The following EXD3 variants were observed in gnomAD, a reference collection of about 807,000 sequenced individuals.
EXD3 encodes exonuclease mut-7 homolog.
EXD3 carries 92 observed loss-of-function variants against 98.0 expected under a neutral mutation model. That is an observed-to-expected ratio of 0.94 (90% CI 0.79 to 1.12). The LOEUF is 1.12. Among genes scored for constraint, EXD3 ranks in the 50% most tolerant of loss-of-function variants. The probability of loss-of-function intolerance (pLI) is 0.00; values close to 1 mark genes in which losing one functional copy is unlikely to be tolerated. For missense variants in EXD3, 1,222 were observed against 1,191.6 expected (o/e 1.03, Z -0.38); for synonymous variants, 569 against 526.0 (o/e 1.08, Z -1.12).
chr9:137,355,450 T>A (rs200927383), intron 8 of EXD3, among the ~76,000 whole-genome samples: 1,280 of 9,248 alleles, frequency 0.14, 49 homozygotes, highest in African/African-American at 0.3. Context: ...GAAGGGAGGA[T>A]GGAGGAAGGA....
chr9:137,306,905 G>T lies in EXD3; in HGVS notation c.*45C>A. 1 of 1,515,178 alleles carries T rather than the reference G, an allele frequency of 6.6e-7. No homozygotes were observed. 93.9% of individuals were successfully genotyped at this position (1,515,178 alleles called of 1,614,324 possible). ...AACATGTGAGCCAGTCCACGGCCAT[G>T]GGCCCAGCAGTCGGGCACTTTCCAT... On this transcript the variant is annotated 3_prime_UTR_variant, in exon 22 of 22. Coordinates refer to ENST00000340951, the MANE Select transcript of EXD3 (RefSeq NM_017820.5).
In EXD3 at chr9:137,351,028, G is replaced by A; in HGVS notation, c.1494+10C>T. 6.4e-7 allele frequency: 1 copy of A among 1,551,682 alleles called. No individual in the cohort carries two copies. Among genetic ancestry groups the A allele is most frequent in the South Asian group, 1.2e-5 (1 of 84,146 alleles). ...CCCGGCATCTTGTGAGCGGCTCAGT[G>A]GGTGCCCACCTGTCTGTGCACCAGC... On this transcript the variant is annotated intron_variant, in intron 14 of 21. Transcript: ENST00000340951.
At chr9:137,382,634 C>T (rs1836374281) in intron 3 of EXD3, among the ~76,000 whole-genome samples, 1 of 151,986 alleles carries the variant, frequency 6.6e-6, no homozygotes, top group African/African-American at 2.4e-5. Context: ...GCAGGCAGCG[C>T]CAGGGCTGGG....
At chr9:137,404,960 C>T (rs1248235130) in intron 1 of EXD3, among the ~76,000 whole-genome samples, 4 of 152,178 alleles carry the variant, frequency 2.6e-5, no homozygotes, top group Non-Finnish European at 4.4e-5. Context: ...CCTACCTATC[C>T]CCTCAGAGCT....
chr9:137,311,783 G>T (rs1463281110), intron 19 of EXD3, among the ~76,000 whole-genome samples: 1 of 152,202 alleles, frequency 6.6e-6, no homozygotes, highest in Non-Finnish European at 1.5e-5. Flanking sequence ...GGCAGCGAGG[G>T]CCTCCCTGTC....
rs372018731 is a variant in EXD3, at chr9:137,349,191, C to G, written c.1749G>C (p.Arg583=). ...CTGGTCTCTCTCTGTGCCTGGGCCT[C>G]CGGCTCCCAGCCAGGTCCTCCGACA... ...FHLSEDLAGS[R]RPRHRERPGA... is the part of the protein sequence containing the mutation. The change falls in exon 16 of 22, where the codon CGG becomes CGC. Residue 583 remains arginine, a synonymous_variant. Coordinates refer to ENST00000340951, the MANE Select transcript of EXD3 (RefSeq NM_017820.5). This position sits in a 1 kb window ranked among gnomAD's most constrained non-coding sequence, Gnocchi z 7.4. 3.9e-5 allele frequency: 62 copies of G among 1,588,062 alleles called. No individual in the cohort carries two copies. The African/African-American group carries it at 8.3e-4, about 21-fold the overall frequency.
rs374664490 is a variant in EXD3, at chr9:137,395,318, C to T, written c.40G>A (p.Glu14Lys). Residue 14 changes from glutamate to lysine, a missense_variant, in exon 2 of 22, where the codon GAG (glutamate) becomes AAG (lysine). Transcript: ENST00000340951. This position sits in a 1 kb window ranked among gnomAD's most constrained non-coding sequence, Gnocchi z 6.5. ...GDPAGDPAAG[E>K]RHRMGRDPLL... Reference sequence around the variant, plus strand: ...TCAGACTCACCCATGCGGTGGCGCTCGCCAGCGGCAGGGTCACCAGCGGGA... The same window carrying T: ...TCAGACTCACCCATGCGGTGGCGCTTGCCAGCGGCAGGGTCACCAGCGGGA... 86 of 1,613,426 alleles carry T rather than the reference C, an allele frequency of 5.3e-5. No individual in the cohort carries two copies. In the East Asian group the frequency reaches 1.6e-3, roughly 30 times the overall value.
intron 11 of EXD3, 117 bp from the exon 12 acceptor site, chr9:137,352,318 C>A (rs1003546676): frequency 2.1e-6 from 3 of 1,401,712 alleles, no homozygotes; most frequent in Non-Finnish European, 2.9e-6. Flanking sequence ...GGTCCTGGCT[C>A]CTCCTCCCAC....
intron 2 of EXD3, among the ~76,000 whole-genome samples, chr9:137,384,772 T>C (rs532227928): frequency 7.9e-5 from 12 of 152,288 alleles, no homozygotes; most frequent in African/African-American, 1.2e-4. Context: ...GCATCAGCAA[T>C]GTCAGATTCC....
chr9:137,370,175 G>C (rs1835518062), intron 5 of EXD3, among the ~76,000 whole-genome samples: 1 of 152,188 alleles, frequency 6.6e-6, no homozygotes, highest in Non-Finnish European at 1.5e-5. Flanking sequence ...TCCCTGGCCT[G>C]ACCCCTGTCT....
Position 137,347,451 on chromosome 9 carries a change from CT to C in EXD3, c.1998+619del, listed in dbSNP as rs367998221. Among the ~76,000 whole-genome samples the C allele has an allele frequency of 2.7e-5, 4 of 148,244 alleles. No individual in the cohort carries two copies. Among genetic ancestry groups the C allele is most frequent in the African/African-American group, 5.0e-5 (2 of 40,402 alleles). On this transcript the variant is annotated intron_variant, in intron 17 of 21. Coordinates refer to ENST00000340951, the MANE Select transcript of EXD3 (RefSeq NM_017820.5). The surrounding 1 kb of genome is among the most constrained non-coding windows in gnomAD (Gnocchi z 4.2). ...TCTGTGTTCCATTCCTGCTTTTTTT[CT>C]TTTTTTTTTAAGATGGAGTCTTGCT...
chr9:137,351,291 G>C (rs776089638), intron 13 of EXD3, 27 bp downstream of exon 13: 6 of 1,596,786 alleles, frequency 3.8e-6, no homozygotes, highest in African/African-American at 1.3e-5. Flanking sequence ...TTCTGGACTG[G>C]GCAGGGGGCC....
Position 137,385,009 on chromosome 9 carries a change from A to G in EXD3, c.56-1632T>C, listed in dbSNP as rs1290156293. Among the ~76,000 whole-genome samples the G allele has an allele frequency of 2.0e-5, 3 of 152,058 alleles. No homozygotes were observed. Among genetic ancestry groups the G allele is most frequent in the Non-Finnish European group, 4.4e-5 (3 of 68,008 alleles). On this transcript the variant is annotated intron_variant, in intron 2 of 21. Coordinates refer to ENST00000340951, the MANE Select transcript of EXD3 (RefSeq NM_017820.5). This position sits in a 1 kb window ranked among gnomAD's most constrained non-coding sequence, Gnocchi z 4.4. Reference sequence around the variant, plus strand: ...CGGGAGGCTGAGGCAGGAGAACAGCATGAACCCGGGAGGCGGAGGTCGCAG... The same window carrying G: ...CGGGAGGCTGAGGCAGGAGAACAGCGTGAACCCGGGAGGCGGAGGTCGCAG...
chr9:137,413,852 CTG>C (rs1838112340), intron 1 of EXD3, among the ~76,000 whole-genome samples: 1 of 151,862 alleles, frequency 6.6e-6, no homozygotes, highest in African/African-American at 2.4e-5. Context: ...TTTTGTGTCT[CTG>C]TGAATCTTTC....
At position 137,355,525 on chromosome 9, in the gene EXD3, G is replaced by A. The variant is rs868741452; in HGVS notation, c.757+743C>T. On this transcript the variant is annotated intron_variant, in intron 8 of 21. Transcript: ENST00000340951. ...GGAGGAAGGAGGAAGGAGGAAGGAGGATGGAGGAAGGAGGAAGGAGGAAGG... is the reference window on the plus strand; with the variant it reads ...GGAGGAAGGAGGAAGGAGGAAGGAGAATGGAGGAAGGAGGAAGGAGGAAGG... 1.3e-3 allele frequency among the ~76,000 whole-genome samples: 81 copies of A among 63,516 alleles called. 1 individual carries two copies. Among genetic ancestry groups the A allele is most frequent in the Non-Finnish European group, 1.7e-3 (60 of 34,616 alleles). The allele number at this position is 63,516 out of a possible 152,430, so 41.7% of individuals were successfully genotyped here. A position where few individuals can be genotyped will look rare whatever the true frequency, so the allele number is the denominator to read the frequency against.
At chr9:137,373,698 TC>T in intron 3 of EXD3, 99 bp from the exon 4 acceptor site, 1 of 1,330,880 alleles carries the variant, frequency 7.5e-7, no homozygotes. Flanking sequence ...TTTAATCCAT[TC>T]AGAAGGTAGC....
At chr9:137,326,740 C>T (rs770041359) in intron 17 of EXD3, among the ~76,000 whole-genome samples, 34 of 152,226 alleles carry the variant, frequency 2.2e-4, no homozygotes, top group Middle Eastern at 3.4e-3. Context: ...AACTCTCATG[C>T]GTCACTGGCG....
At position 137,349,541 on chromosome 9, in the gene EXD3, C is replaced by A. The variant is rs761154510; in HGVS notation, c.1495-10G>T. The A allele has an allele frequency of 6.4e-7, 1 of 1,564,218 alleles. No homozygotes were observed. The highest frequency in any genetic ancestry group is 8.7e-7 in the Non-Finnish European group (1 of 1,155,944). On this transcript the variant is annotated splice_polypyrimidine_tract_variant and intron_variant, in intron 14 of 21. Transcript: ENST00000340951. This position sits in a 1 kb window ranked among gnomAD's most constrained non-coding sequence, Gnocchi z 7.4. Reference sequence around the variant, plus strand: ...CGCTCGCCACCCGCATCTGCTAAGACAGTGCCCTGCAGGGTAACGCGTCTG... The same window carrying A: ...CGCTCGCCACCCGCATCTGCTAAGAAAGTGCCCTGCAGGGTAACGCGTCTG...
At chr9:137,398,175 G>C (rs1360756994) in intron 1 of EXD3, among the ~76,000 whole-genome samples, 3 of 152,184 alleles carry the variant, frequency 2.0e-5, no homozygotes, top group African/African-American at 7.2e-5. Flanking sequence ...GAAAGAACGA[G>C]GGGGAAAGAC....
Sources: allele counts gnomAD v4.1 joint callset (sites outside exome capture counted in the v4.1 genomes callset), GRCh38; gene constraint gnomAD v4.1.1; non-coding constraint Gnocchi (gnomAD v3.1); transcripts MANE v1.5; gene names NCBI Gene and HGNC (gene_info 2026-07-23, HGNC 2026-07-21).